ALDH5A1: variants seen among roughly 807,000 people sequenced by gnomAD.
The protein encoded by ALDH5A1 is aldehyde dehydrogenase 5 family member A1, also known as succinate-semialdehyde dehydrogenase, mitochondrial.
In ALDH5A1, 33 loss-of-function variants were observed where a neutral mutation model predicts 54.7. That is an observed-to-expected ratio of 0.60 (90% confidence interval 0.46 to 0.81). The LOEUF (loss-of-function observed/expected upper bound fraction) is 0.81, where lower values mean the gene tolerates loss of function less well. Ranked by LOEUF, ALDH5A1 falls within the 30% of genes least tolerant of loss-of-function variation. The probability of loss-of-function intolerance (pLI) is 0.00; values close to 1 mark genes in which losing one functional copy is unlikely to be tolerated. For missense variants in ALDH5A1, 657 were observed against 711.0 expected, an observed-to-expected ratio of 0.92 and a Z score of 0.86; for synonymous variants, 294 against 292.7, an observed-to-expected ratio of 1.00 and a Z score of -0.05.
At chr6:24,510,642 C>A (rs1032788222) in intron 4 of ALDH5A1, among the ~76,000 whole-genome samples, 2 of 152,052 alleles carry the variant, frequency 1.3e-5, no homozygotes, top group African/African-American at 2.4e-5. Context: ...CTTTTGGTGT[C>A]CATTTGATTG....
At chr6:24,517,266 A>T (rs147237555) in intron 5 of ALDH5A1, among the ~76,000 whole-genome samples, 2,382 of 152,296 alleles carry the variant, frequency 0.016, 33 homozygotes, top group South Asian at 0.041. Context: ...TTGGCCTCCC[A>T]AAGTGCTGGG....
intron 8 of ALDH5A1, among the ~76,000 whole-genome samples, 166 bp downstream of exon 8, chr6:24,528,332 ACT>A (rs972445474): frequency 1.3e-5 from 2 of 152,024 alleles, no homozygotes. Context: ...AAAAATCATA[ACT>A]TATTTGGACC....
intron 4 of ALDH5A1, among the ~76,000 whole-genome samples, chr6:24,511,466 G>A (rs1759460224): frequency 6.6e-6 from 1 of 152,020 alleles, no homozygotes; most frequent in South Asian, 2.1e-4. Context: ...TTATTCTTAG[G>A]TTTGGTTGTT....
chr6:24,496,401 G>A (rs1013430384), intron 1 of ALDH5A1, among the ~76,000 whole-genome samples: 17 of 152,218 alleles, frequency 1.1e-4, no homozygotes, highest in Non-Finnish European at 2.2e-4. Context: ...CGGGCCAGAG[G>A]GAAGGGGCAA....
At chr6:24,529,702 C>T (rs1466682121) in intron 8 of ALDH5A1, among the ~76,000 whole-genome samples, 3 of 102,384 alleles carry the variant, frequency 2.9e-5, no homozygotes, top group African/African-American at 3.7e-5. Context: ...GATGGAGTCT[C>T]GCTCTGTCAC....
intron 5 of ALDH5A1, among the ~76,000 whole-genome samples, chr6:24,520,095 A>C (rs1383905728): frequency 6.6e-6 from 1 of 151,876 alleles, no homozygotes; most frequent in Non-Finnish European, 1.5e-5. Context: ...TTTGAAATGG[A>C]GTCTCCCTAT....
At chr6:24,500,561 C>T (rs1467575759) in intron 1 of ALDH5A1, among the ~76,000 whole-genome samples, 3 of 151,854 alleles carry the variant, frequency 2.0e-5, no homozygotes, top group East Asian at 3.8e-4. Flanking sequence ...GCAGGAGGAT[C>T]GCTTAAAGCC....
chr6:24,529,771 A>G (rs1277070617), intron 8 of ALDH5A1, among the ~76,000 whole-genome samples: 1 of 139,106 alleles, frequency 7.2e-6, no homozygotes, highest in African/African-American at 2.6e-5. Flanking sequence ...TCTTGGGTTC[A>G]AGCGATTCTC....
chr6:24,496,524 G>C (rs1292389653), intron 1 of ALDH5A1, among the ~76,000 whole-genome samples: 2 of 152,174 alleles, frequency 1.3e-5, no homozygotes, highest in Non-Finnish European at 2.9e-5. Context: ...CCGCTCTGGA[G>C]GGTAGAAATC....
intron 7 of ALDH5A1, among the ~76,000 whole-genome samples, chr6:24,527,456 T>C (rs1046462650): frequency 6.6e-6 from 1 of 151,892 alleles, no homozygotes; most frequent in African/African-American, 2.4e-5. Flanking sequence ...CCTATAATCC[T>C]AGCTACTCGG....
chr6:24,531,074 ATTCTCT>A (rs1477200552), intron 8 of ALDH5A1, among the ~76,000 whole-genome samples: 1 of 152,116 alleles, frequency 6.6e-6, no homozygotes, highest in Non-Finnish European at 1.5e-5. Context: ...TTTGACTATG[ATTCTCT>A]TTCTCTGTCC....
intron 4 of ALDH5A1, 65 bp from the exon 5 acceptor site, chr6:24,515,102 C>CT (rs4646842): frequency 0.092 from 85,136 of 924,856 alleles, 383 homozygotes; most frequent in African/African-American, 0.15. Context: ...TTTCTCTTTT[C>CT]TTTTTTTTTT....
rs1760014576 is a variant in ALDH5A1 at position 24,534,899 on chromosome 6, T to C, written c.*1187T>C. On this transcript the variant is annotated 3_prime_UTR_variant, in exon 10 of 10. Transcript: ENST00000357578. ...AATTTCTGTAATTGCCAACCCACTT[T>C]GTAGAAGAGGCATGAGCCCTTGAAT... The C allele has an allele frequency of 6.6e-6, 1 of 152,240 alleles. No individual in the cohort carries two copies. Among genetic ancestry groups the C allele is most frequent in the African/African-American group, 2.4e-5 (1 of 41,454 alleles). The allele number at this position is 152,240 out of a possible 1,614,324, so 9.4% of individuals were successfully genotyped here.
At chr6:24,497,563 G>GCTAGC (rs1554136011) in intron 1 of ALDH5A1, among the ~76,000 whole-genome samples, 1 of 152,130 alleles carries the variant, frequency 6.6e-6, no homozygotes, top group Non-Finnish European at 1.5e-5. Context: ...CAATCCTCTT[G>GCTAGC]TAAGACAGAA....
intron 9 of ALDH5A1, among the ~76,000 whole-genome samples, chr6:24,532,811 A>C (rs1759960746): frequency 6.6e-6 from 1 of 152,136 alleles, no homozygotes; most frequent in African/African-American, 2.4e-5. Flanking sequence ...ACCAAGAGGA[A>C]TGATAAGCAT....
Position 24,533,725 on chromosome 6 carries a change from CTT to C in ALDH5A1, c.*15_*16del. On this transcript the variant is annotated 3_prime_UTR_variant, in exon 10 of 10. Coordinates refer to ENST00000357578, the MANE Select transcript of ALDH5A1 (RefSeq NM_001080.3). ...CGGGGGCTTGTAGGATTCTTTGGTT[CTT>C]TAAAAAAATTTAAAAGGAGACTTAT... 1 of 1,612,790 alleles carries C rather than the reference CTT, an allele frequency of 6.2e-7. No individual in the cohort carries two copies. The highest frequency in any genetic ancestry group is 8.5e-7 in the Non-Finnish European group (1 of 1,179,206).
chr6:24,523,795 C>T (rs1408858717), intron 7 of ALDH5A1, among the ~76,000 whole-genome samples: 1 of 152,174 alleles, frequency 6.6e-6, no homozygotes, highest in African/African-American at 2.4e-5. Context: ...TGCAGAATCA[C>T]AGATGCCGCG....
intron 4 of ALDH5A1, among the ~76,000 whole-genome samples, chr6:24,514,037 C>T (rs1759513556): frequency 6.6e-6 from 1 of 152,184 alleles, no homozygotes; most frequent in South Asian, 2.1e-4. Context: ...CCAGAATCTC[C>T]AGTCAGATTT....
At chr6:24,527,827 T>C (rs1003481278) in intron 7 of ALDH5A1, among the ~76,000 whole-genome samples, 170 bp from the exon 8 acceptor site, 2 of 152,226 alleles carry the variant, frequency 1.3e-5, no homozygotes, top group Non-Finnish European at 2.9e-5. Context: ...CTCTTGCTTC[T>C]GAATCTCTGC....
Sources: gnomAD v4.1 joint callset for allele counts (sites outside exome capture counted in the v4.1 genomes callset) on GRCh38, gnomAD v4.1.1 for gene constraint, MANE v1.5 for transcripts, NCBI Gene and HGNC (gene_info 2026-07-23, HGNC 2026-07-21) for gene names.